The following TRAPPC9 variants were observed in gnomAD, a reference collection of about 807,000 sequenced individuals.
The protein encoded by TRAPPC9 is IKK2 binding protein.
A neutral mutation model predicts 124.0 loss-of-function variants in TRAPPC9; 83 were observed. The ratio of observed to expected loss-of-function variants is 0.67; its 90% CI spans 0.56 to 0.80. The LOEUF is 0.80. Ranked by LOEUF, TRAPPC9 falls within the 30% of genes least tolerant of loss-of-function variation. TRAPPC9 has a pLI of 0.00. For synonymous variants in TRAPPC9, 638 were observed against 617.5 expected (o/e 1.03, Z -0.49); for missense variants, 1,302 against 1,508.3 (o/e 0.86, Z 2.27).
At chr8:139,822,615 G>A (rs978772449) in intron 21 of TRAPPC9, among the ~76,000 whole-genome samples, 7 of 148,496 alleles carry the variant, frequency 4.7e-5, no homozygotes, top group Admixed American at 1.4e-4. Context: ...GCCAAGAGCC[G>A]TAGGATGGCG....
chr8:140,051,013 A>G (rs147429893), intron 17 of TRAPPC9, among the ~76,000 whole-genome samples: 16 of 152,366 alleles, frequency 1.1e-4, no homozygotes, highest in African/African-American at 3.8e-4. Flanking sequence ...AACTGCCATT[A>G]AGACACAATC....
At chr8:140,070,243 T>G (rs1843091494) in intron 17 of TRAPPC9, among the ~76,000 whole-genome samples, 1 of 152,220 alleles carries the variant, frequency 6.6e-6, no homozygotes, top group African/African-American at 2.4e-5. Context: ...TACCTTTTTT[T>G]CTACTTTTGA....
At chr8:140,076,633 G>A (rs576488839) in intron 17 of TRAPPC9, among the ~76,000 whole-genome samples, 1 of 152,262 alleles carries the variant, frequency 6.6e-6, no homozygotes, top group South Asian at 2.1e-4. Context: ...CCGATTCCTA[G>A]GCCACTCACT....
At chr8:139,896,327 A>G in intron 20 of TRAPPC9, among the ~76,000 whole-genome samples, 1 of 152,182 alleles carries the variant, frequency 6.6e-6, no homozygotes, top group East Asian at 1.9e-4. Flanking sequence ...ATCCATAATG[A>G]TGATGACAAT....
intron 17 of TRAPPC9, among the ~76,000 whole-genome samples, chr8:140,128,906 C>A (rs548132723): frequency 1.1e-4 from 16 of 151,736 alleles, no homozygotes; most frequent in South Asian, 2.1e-4. Flanking sequence ...CCCATTAAGA[C>A]TCCTCTCACA....
At chr8:140,166,060 G>T (rs903712395) in intron 17 of TRAPPC9, among the ~76,000 whole-genome samples, 1 of 152,192 alleles carries the variant, frequency 6.6e-6, no homozygotes, top group African/African-American at 2.4e-5. Flanking sequence ...AGCACACTCT[G>T]CATATGTGCA....
rs1827413050 is a variant in TRAPPC9 at position 139,851,081 on chromosome 8, T to C, written c.3055+34798A>G. Among the ~76,000 whole-genome samples the C allele has an allele frequency of 2.6e-5, 4 of 152,214 alleles. No homozygotes were observed. In the South Asian group the frequency reaches 6.2e-4, roughly 24 times the overall value. ...AGCTCAGCTCCCAAGCAGCAGATGA[T>C]GTCATGGGTTCCTTACACACTGTTA... On this transcript the variant is annotated intron_variant, in intron 21 of 22. Coordinates refer to ENST00000438773, the MANE Select transcript of TRAPPC9 (RefSeq NM_001160372.4).
chr8:140,206,770 T>C (rs1380827004), intron 17 of TRAPPC9, among the ~76,000 whole-genome samples: 1 of 151,630 alleles, frequency 6.6e-6, no homozygotes, highest in East Asian at 1.9e-4. Context: ...TATATATATA[T>C]ATATTTAAAA....
chr8:139,831,344 T>C (rs568206405), intron 21 of TRAPPC9, among the ~76,000 whole-genome samples: 24 of 152,136 alleles, frequency 1.6e-4, no homozygotes, highest in African/African-American at 5.3e-4. Flanking sequence ...CAAGAGACTC[T>C]CCCAGCCATC....
chr8:139,919,953 C>A (rs1440827843), intron 19 of TRAPPC9, among the ~76,000 whole-genome samples: 1 of 152,238 alleles, frequency 6.6e-6, no homozygotes, highest in African/African-American at 2.4e-5. Context: ...CAACACTCTT[C>A]CAGATTTGTT....
Position 140,216,474 on chromosome 8 carries a change from C to G in TRAPPC9, c.2556+4985G>C, listed in dbSNP as rs1211057504. On this transcript the variant is annotated intron_variant, in intron 17 of 22. Coordinates refer to ENST00000438773, the MANE Select transcript of TRAPPC9 (RefSeq NM_001160372.4). This position sits in a 1 kb window ranked among gnomAD's most constrained non-coding sequence, Gnocchi z 4.1. ...CTGTAAGAGCCTATCCTGTGAGACA[C>G]AGAAAAAATCCTCTTCTTGTCTAAC... Among the ~76,000 whole-genome samples the G allele has an allele frequency of 6.6e-6, 1 of 152,180 alleles. No homozygotes were observed. The highest frequency in any genetic ancestry group is 1.5e-5 in the Non-Finnish European group (1 of 68,030).
At chr8:140,368,869 G>A (rs908762971) in intron 8 of TRAPPC9, among the ~76,000 whole-genome samples, 2 of 152,116 alleles carry the variant, frequency 1.3e-5, no homozygotes, top group African/African-American at 4.8e-5. Flanking sequence ...GCAACACAGC[G>A]AGACCTCATC....
At chr8:140,379,098 C>A (rs2068528708) in intron 7 of TRAPPC9, among the ~76,000 whole-genome samples, 1 of 151,556 alleles carries the variant, frequency 6.6e-6, no homozygotes, top group Non-Finnish European at 1.5e-5. Context: ...TAACTATTAA[C>A]AGACTTTTTT....
intron 17 of TRAPPC9, among the ~76,000 whole-genome samples, chr8:140,043,788 T>C (rs927856841): frequency 2.6e-5 from 4 of 152,092 alleles, no homozygotes; most frequent in African/African-American, 9.7e-5. Flanking sequence ...ACCACTGCAA[T>C]GGAAATGGGG....
intron 9 of TRAPPC9, among the ~76,000 whole-genome samples, chr8:140,329,848 C>T (rs1362864235): frequency 6.6e-6 from 1 of 152,086 alleles, no homozygotes; most frequent in South Asian, 2.1e-4. Context: ...GAGGCCAAGG[C>T]GGGCAGATCA....
chr8:140,044,081 C>A (rs1841427582), intron 17 of TRAPPC9, among the ~76,000 whole-genome samples: 1 of 152,148 alleles, frequency 6.6e-6, no homozygotes, highest in Non-Finnish European at 1.5e-5. Context: ...GCCTTCAAAC[C>A]TTGGTAGTCG....
chr8:140,284,124 T>C (rs1390499799), intron 13 of TRAPPC9, 103 bp from the exon 14 acceptor site: 2 of 1,531,428 alleles, frequency 1.3e-6, no homozygotes, highest in Non-Finnish European at 1.8e-6. Flanking sequence ...TCAGAAGACC[T>C]GAGTTCCGAA....
At chr8:139,840,445 A>G (rs564317467) in intron 21 of TRAPPC9, among the ~76,000 whole-genome samples, 1 of 152,364 alleles carries the variant, frequency 6.6e-6, no homozygotes, top group East Asian at 1.9e-4. Flanking sequence ...TTCATGGCAA[A>G]GGCACCATGT....
intron 21 of TRAPPC9, among the ~76,000 whole-genome samples, chr8:139,804,592 GCAC>G (rs1471369181): frequency 2.0e-5 from 1 of 50,704 alleles, no homozygotes; most frequent in Non-Finnish European, 3.6e-5. Flanking sequence ...CCGCCACCAA[GCAC>G]CACCACCACA....
Sources: allele counts gnomAD v4.1 joint callset (sites outside exome capture counted in the v4.1 genomes callset), GRCh38; gene constraint gnomAD v4.1.1; non-coding constraint Gnocchi (gnomAD v3.1); transcripts MANE v1.5; gene names NCBI Gene and HGNC (gene_info 2026-07-23, HGNC 2026-07-21).